The following ABCA13 variants were observed in gnomAD, a reference collection of about 807,000 sequenced individuals.
The protein encoded by ABCA13 is ATP binding cassette subfamily A member 13.
Under a neutral mutation model 478.7 loss-of-function variants are expected in ABCA13, and 476 were observed. The ratio of observed to expected loss-of-function variants is 0.99; its 90% confidence interval spans 0.92 to 1.07. The LOEUF (loss-of-function observed/expected upper bound fraction) is 1.07, where lower values mean the gene tolerates loss of function less well. Among genes scored for constraint, ABCA13 ranks in the 50% least tolerant of loss-of-function variants. The pLI, the probability that ABCA13 is intolerant of heterozygous loss-of-function variation, is 0.00. For missense variants in ABCA13, 6,060 were observed against 5,910.6 expected (o/e 1.03, Z -0.83); for synonymous variants, 2,252 against 2,158.9 (o/e 1.04, Z -1.20).
rs747139896 is a variant in ABCA13 at position 48,372,169 on chromosome 7, A to G, written c.10805A>G (p.Tyr3602Cys). 1.2e-6 allele frequency: 2 copies of G among 1,611,012 alleles called. No homozygotes were observed. Among genetic ancestry groups the G allele is most frequent in the Non-Finnish European group, 1.7e-6 (2 of 1,177,902 alleles). ...VYEQEIQIEE[Y>C]MRMMGVHPVI... ...TTGGGTTTTTTCTCTTTTTGGTAGT[A>G]TATGCGGATGATGGGAGTGCATCCA... is the stretch of plus-strand genomic sequence containing the variant. The change falls in exon 33 of 62, where the codon TAT becomes TGT. Residue 3602 changes from tyrosine to cysteine, a missense_variant and splice_region_variant. Transcript: ENST00000435803.
chr7:48,229,732 C>T, intron 6 of ABCA13, 93 bp from the exon 7 acceptor site: 1 of 1,469,306 alleles, frequency 6.8e-7, no homozygotes. Context: ...GCACTAGGGG[C>T]CCAGTCCATG....
intron 59 of ABCA13, among the ~76,000 whole-genome samples, chr7:48,618,508 C>A (rs1403287215): frequency 6.6e-6 from 1 of 152,132 alleles, no homozygotes; most frequent in African/African-American, 2.4e-5. Context: ...TTTGAAAATA[C>A]CATGTATTAC....
intron 41 of ABCA13, among the ~76,000 whole-genome samples, chr7:48,416,428 T>C (rs113724923): frequency 1.4e-3 from 211 of 152,200 alleles, no homozygotes; most frequent in African/African-American, 4.9e-3. Context: ...GGGGAGTGGT[T>C]TGCATTCTTG....
intron 45 of ABCA13, among the ~76,000 whole-genome samples, chr7:48,476,251 T>C (rs2130424598): frequency 6.6e-6 from 1 of 152,230 alleles, no homozygotes; most frequent in South Asian, 2.1e-4. Context: ...TCTATCTCCA[T>C]TGTCACAGTG....
intron 48 of ABCA13, 88 bp from the exon 49 acceptor site, chr7:48,506,248 C>A: frequency 1.4e-6 from 2 of 1,403,358 alleles, no homozygotes; most frequent in Non-Finnish European, 2.0e-6. Context: ...ATTGTGATGG[C>A]ACAGGGAATC....
chr7:48,253,053 C>T (rs1792813905), intron 15 of ABCA13, among the ~76,000 whole-genome samples: 2 of 152,290 alleles, frequency 1.3e-5, no homozygotes, highest in South Asian at 4.1e-4. Flanking sequence ...TGTTTTTATT[C>T]CACTTCCCTG....
intron 23 of ABCA13, among the ~76,000 whole-genome samples, chr7:48,306,440 G>A (rs1273105908): frequency 6.6e-6 from 1 of 152,162 alleles, no homozygotes; most frequent in African/African-American, 2.4e-5. Context: ...CCCCTGAATT[G>A]GGGGTTTGGA....
intron 10 of ABCA13, among the ~76,000 whole-genome samples, chr7:48,242,820 T>G (rs1411514905): frequency 1.3e-5 from 2 of 152,220 alleles, no homozygotes; most frequent in Non-Finnish European, 2.9e-5. Context: ...TTAGCTTTGG[T>G]CCAAGAAACC....
intron 7 of ABCA13, among the ~76,000 whole-genome samples, chr7:48,232,746 T>G (rs1789346144): frequency 6.6e-6 from 1 of 152,246 alleles, no homozygotes; most frequent in Non-Finnish European, 1.5e-5. Flanking sequence ...TATGCTACAC[T>G]GATGTCACTA....
In ABCA13 at chr7:48,411,031, C is replaced by CTT. The variant is rs1331374947; in HGVS notation, c.12228+356_12228+357dup. 2.3e-4 allele frequency among the ~76,000 whole-genome samples: 27 copies of CTT among 115,952 alleles called. 1 individual carries two copies. Among genetic ancestry groups the CTT allele is most frequent in the Non-Finnish European group, 3.9e-4 (21 of 53,722 alleles). 76.1% of individuals were successfully genotyped at this position (115,952 alleles called of 152,430 possible). The stretch of plus-strand genomic sequence containing the variant: ...TCTTTCTTTCTTTCTTTCTTTCTTT[C>CTT]TTTCTTTCTTTCTTTCTTTTTCTTT... On this transcript the variant is annotated intron_variant, in intron 40 of 61. Coordinates refer to ENST00000435803, the MANE Select transcript of ABCA13 (RefSeq NM_152701.5).
chr7:48,358,196 C>CAGGAA (rs1268391909), intron 31 of ABCA13, among the ~76,000 whole-genome samples: 1 of 112,714 alleles, frequency 8.9e-6, no homozygotes, highest in Non-Finnish European at 1.8e-5. Context: ...CAGGACAGGA[C>CAGGAA]AGGAAAGGAA....
At chr7:48,338,847 A>G (rs1171542776) in intron 29 of ABCA13, among the ~76,000 whole-genome samples, 1 of 152,262 alleles carries the variant, frequency 6.6e-6, no homozygotes, top group Non-Finnish European at 1.5e-5. Context: ...ATTACCTATC[A>G]GTAAACATTT....
chr7:48,276,459 G>C lies in ABCA13; in HGVS notation c.6793G>C (p.Glu2265Gln). The part of the protein sequence containing the change: ...LSLRSIVDFT[E>Q]QFLKTFFSLF... ...TCTGAGAAGCATAGTAGATTTCACA[G>C]AACAGTTTTTGAAAACATTCTTCTC... is the stretch of plus-strand genomic sequence containing the variant. The change falls in exon 17 of 62, where the codon GAA (glutamate) becomes CAA (glutamine). Residue 2265 changes from glutamate (E) to glutamine (Q), a missense_variant. Transcript: ENST00000435803. 6.3e-7 allele frequency: 1 copy of C among 1,598,586 alleles called. No homozygotes were observed. The highest frequency in any genetic ancestry group is 8.5e-7 in the Non-Finnish European group (1 of 1,173,242).
At chr7:48,496,695 T>A (rs540216230) in intron 48 of ABCA13, among the ~76,000 whole-genome samples, 1 of 152,294 alleles carries the variant, frequency 6.6e-6, no homozygotes, top group South Asian at 2.1e-4. Flanking sequence ...TTGAAAGATA[T>A]TTTCACTGAA....
At chr7:48,551,805 T>C (rs1010777739) in intron 55 of ABCA13, among the ~76,000 whole-genome samples, 4 of 151,720 alleles carry the variant, frequency 2.6e-5, no homozygotes, top group African/African-American at 9.7e-5. Context: ...AGAGAGTAGG[T>C]TTCAGCCTTC....
intron 3 of ABCA13, among the ~76,000 whole-genome samples, 189 bp from the exon 4 acceptor site, chr7:48,219,165 G>A (rs1786955322): frequency 6.6e-6 from 1 of 152,150 alleles, no homozygotes; most frequent in Non-Finnish European, 1.5e-5. Context: ...TTAAATTTGT[G>A]AAGATTTTTT....
chr7:48,226,613 A>G (rs114891466), intron 5 of ABCA13, among the ~76,000 whole-genome samples: 74 of 152,306 alleles, frequency 4.9e-4, no homozygotes, highest in Non-Finnish European at 9.8e-4. Flanking sequence ...CTTGGATCAC[A>G]GAGTGTGGGG....
chr7:48,511,169 C>T lies in ABCA13; in HGVS notation c.13610C>T (p.Ala4537Val), dbSNP rs2130904343. The T allele has an allele frequency of 6.2e-7, 1 of 1,613,252 alleles. No homozygotes were observed. The highest frequency in any genetic ancestry group is 2.2e-5 in the East Asian group (1 of 44,836). The change falls in exon 51 of 62, where the codon GCA becomes GTA. Residue 4537 changes from alanine to valine, a missense_variant. Physicochemically the swap from Ala to Val is moderately conservative, Grantham distance 64. Transcript: ENST00000435803. ...LTAFTFRKNL[A>V]ATALLLSLFG... Reference sequence around the variant, plus strand: ...GCTTTTACTTTCCGCAAGAACTTGGCAGCCACGGCCCTCCTGCTGTCACTT... The same window carrying T: ...GCTTTTACTTTCCGCAAGAACTTGGTAGCCACGGCCCTCCTGCTGTCACTT...
chr7:48,636,513 A>T (rs772049431), intron 59 of ABCA13, among the ~76,000 whole-genome samples: 3 of 152,102 alleles, frequency 2.0e-5, no homozygotes, highest in Non-Finnish European at 2.9e-5. Flanking sequence ...CCCTTGTCTC[A>T]AGGGTTCTAT....
Sources: allele counts gnomAD v4.1 joint callset (sites outside exome capture counted in the v4.1 genomes callset), GRCh38; gene constraint gnomAD v4.1.1; transcripts MANE v1.5; gene names NCBI Gene and HGNC (gene_info 2026-07-23, HGNC 2026-07-21).